The following HIVEP2 variants were observed in gnomAD, a reference collection of about 807,000 sequenced individuals.
HIVEP2 encodes HIVEP zinc finger 2.
Under a neutral mutation model 180.7 loss-of-function variants are expected in HIVEP2, and 14 were observed. The ratio of observed to expected loss-of-function variants is 0.08; its 90% confidence interval spans 0.05 to 0.12. The LOEUF (loss-of-function observed/expected upper bound fraction) is 0.12, where lower values mean the gene tolerates loss of function less well. HIVEP2 is among the 10% of genes least tolerant of loss of function. HIVEP2 has a pLI of 1.00. For missense variants in HIVEP2, 2,579 were observed against 3,008.5 expected (o/e 0.86, Z 3.34); for synonymous variants, 1,184 against 1,136.4 (o/e 1.04, Z -0.84).
intron 1 of HIVEP2, among the ~76,000 whole-genome samples, chr6:142,885,859 C>A (rs1279626481): frequency 1.3e-5 from 2 of 152,162 alleles, no homozygotes; most frequent in Non-Finnish European, 2.9e-5. Context: ...GCCGCCTAAT[C>A]TTCTATTTTA....
chr6:142,805,616 A>C (rs576156288), intron 2 of HIVEP2, among the ~76,000 whole-genome samples: 1 of 152,208 alleles, frequency 6.6e-6, no homozygotes, highest in Non-Finnish European at 1.5e-5. Flanking sequence ...CCTTATACAG[A>C]AAATAGCATA....
intron 9 of HIVEP2, among the ~76,000 whole-genome samples, chr6:142,757,097 G>T (rs905079625): frequency 3.9e-5 from 6 of 152,118 alleles, no homozygotes; most frequent in African/African-American, 1.4e-4. Flanking sequence ...TTCCCAACCT[G>T]TGTTGGCTAT....
chr6:142,847,600 A>G (rs2114915054), intron 1 of HIVEP2, among the ~76,000 whole-genome samples: 2 of 152,328 alleles, frequency 1.3e-5, no homozygotes, highest in Admixed American at 1.3e-4. Flanking sequence ...TGTTATAGTC[A>G]CACTTCGAAA....
At chr6:142,906,577 AT>A in intron 1 of HIVEP2, among the ~76,000 whole-genome samples, 2 of 152,224 alleles carry the variant, frequency 1.3e-5, no homozygotes, top group Middle Eastern at 6.8e-3. Context: ...ACCATGTATG[AT>A]AAAAAATATT....
rs569938418 is a variant in HIVEP2, at chr6:142,765,392, G to A, written c.5343-418C>T. On this transcript the variant is annotated intron_variant, in intron 6 of 9. Coordinates refer to ENST00000367603, the MANE Select transcript of HIVEP2 (RefSeq NM_006734.4). Reference sequence around the variant, plus strand: ...TTGTTAACATTACATCATCTAAGATGTACATGTACAAACATACAACCCTCT... The same window carrying A: ...TTGTTAACATTACATCATCTAAGATATACATGTACAAACATACAACCCTCT... Among the ~76,000 whole-genome samples, 13 of 152,326 alleles carry A rather than the reference G, an allele frequency of 8.5e-5. No individual in the cohort carries two copies. The South Asian group carries it at 2.7e-3, about 32-fold the overall frequency.
At chr6:142,776,957 G>A (rs999688724) in intron 3 of HIVEP2, among the ~76,000 whole-genome samples, 13 of 152,094 alleles carry the variant, frequency 8.5e-5, no homozygotes, top group African/African-American at 3.1e-4. Flanking sequence ...GTATGGCTCA[G>A]GAAGACTTGA....
chr6:142,890,298 C>A (rs1483732078), intron 1 of HIVEP2, among the ~76,000 whole-genome samples: 1 of 152,122 alleles, frequency 6.6e-6, no homozygotes, highest in African/African-American at 2.4e-5. Flanking sequence ...GAGAATCTTC[C>A]TCAAATAAGC....
chr6:142,848,423 G>C (rs1199499215), intron 1 of HIVEP2, among the ~76,000 whole-genome samples: 1 of 152,140 alleles, frequency 6.6e-6, no homozygotes, highest in South Asian at 2.1e-4. Flanking sequence ...AATTGCACCT[G>C]AATATTTTCC....
intron 1 of HIVEP2, among the ~76,000 whole-genome samples, chr6:142,847,590 T>G (rs1775549587): frequency 6.6e-6 from 1 of 152,220 alleles, no homozygotes; most frequent in Non-Finnish European, 1.5e-5. Flanking sequence ...AAATCAATTC[T>G]GTTATAGTCA....
At chr6:142,939,995 A>G (rs1326554225) in intron 1 of HIVEP2, among the ~76,000 whole-genome samples, 1 of 152,208 alleles carries the variant, frequency 6.6e-6, no homozygotes, top group Non-Finnish European at 1.5e-5. Context: ...ACAGACCCCT[A>G]ATCACATGGA....
intron 1 of HIVEP2, among the ~76,000 whole-genome samples, chr6:142,915,767 C>T (rs926378181): frequency 1.3e-5 from 2 of 152,140 alleles, no homozygotes; most frequent in African/African-American, 4.8e-5. Flanking sequence ...ACCCTCTCAT[C>T]CACTACAACT....
At chr6:142,793,652 CTTTCTTTTTTCTT>C (rs1181339198) in intron 2 of HIVEP2, among the ~76,000 whole-genome samples, 1 of 62,912 alleles carries the variant, frequency 1.6e-5, no homozygotes, top group African/African-American at 5.6e-5. Context: ...TTCTTTCTTT[CTTTCTTTTTTCTT>C]TCTTTCTTTC....
At chr6:142,805,456 C>T (rs1231791050) in intron 2 of HIVEP2, among the ~76,000 whole-genome samples, 1 of 149,838 alleles carries the variant, frequency 6.7e-6, no homozygotes. Flanking sequence ...AACTTGGGAA[C>T]CTTTTACTTA....
intron 2 of HIVEP2, among the ~76,000 whole-genome samples, chr6:142,804,635 C>T (rs1035517613): frequency 6.6e-6 from 1 of 152,008 alleles, no homozygotes; most frequent in Non-Finnish European, 1.5e-5. Context: ...CCTAACTAAC[C>T]TTTGCATAAG....
intron 2 of HIVEP2, among the ~76,000 whole-genome samples, chr6:142,826,732 A>C (rs1398918961): frequency 6.6e-6 from 1 of 152,204 alleles, no homozygotes; most frequent in Non-Finnish European, 1.5e-5. Flanking sequence ...TCTAAATGGC[A>C]GGGAATAGCT....
chr6:142,757,227 C>A (rs1187931056), intron 9 of HIVEP2, among the ~76,000 whole-genome samples: 1 of 152,054 alleles, frequency 6.6e-6, no homozygotes, highest in Non-Finnish European at 1.5e-5. Context: ...ACGAACTGTC[C>A]CTACATCAGG....
At chr6:142,888,984 A>G (rs1776783081) in intron 1 of HIVEP2, among the ~76,000 whole-genome samples, 1 of 152,224 alleles carries the variant, frequency 6.6e-6, no homozygotes, top group African/African-American at 2.4e-5. Flanking sequence ...TAGTTGTATC[A>G]TACAAAGTCT....
intron 2 of HIVEP2, among the ~76,000 whole-genome samples, chr6:142,802,166 A>G (rs1272008816): frequency 2.6e-5 from 4 of 152,172 alleles, no homozygotes; most frequent in Non-Finnish European, 4.4e-5. Flanking sequence ...AAAAAGCCCA[A>G]ACTCCTTCAA....
chr6:142,759,985 G>A lies in HIVEP2; in HGVS notation c.6303C>T (p.Ser2101=). 1 of 1,613,800 alleles carries A rather than the reference G, an allele frequency of 6.2e-7. No individual in the cohort carries two copies. The highest frequency in any genetic ancestry group is 2.2e-5 in the East Asian group (1 of 44,880). ...GCCTTCTTGGTGAAACATCTCTTTG[G>A]GACATCTCTCTTCTCAATGCAGCTT... The part of the protein sequence containing the change: ...RKEAALRREM[S]QRDVSPRRHL... The change falls in exon 9 of 10, where the codon TCC becomes TCT. Residue 2101 remains serine (S), a synonymous_variant. Transcript: ENST00000367603.
Sources: allele counts gnomAD v4.1 joint callset (sites outside exome capture counted in the v4.1 genomes callset), GRCh38; gene constraint gnomAD v4.1.1; transcripts MANE v1.5; gene names NCBI Gene and HGNC (gene_info 2026-07-23, HGNC 2026-07-21).